RALGAPA2: variants seen among roughly 807,000 people sequenced by gnomAD.
The protein encoded by RALGAPA2 is Ral GTPase activating protein catalytic subunit alpha 2.
A neutral mutation model predicts 230.4 loss-of-function variants in RALGAPA2; 139 were observed. That is an observed-to-expected ratio of 0.60 (90% CI 0.53 to 0.69). The LOEUF is 0.69. RALGAPA2 is among the 30% of genes least tolerant of loss of function. The probability of loss-of-function intolerance (pLI) is 0.00; values close to 1 mark genes in which losing one functional copy is unlikely to be tolerated. For synonymous variants in RALGAPA2, 847 were observed against 837.8 expected (o/e 1.01, Z -0.19); for missense variants, 2,163 against 2,276.0 (o/e 0.95, Z 1.01).
chr20:20,443,154 C>G (rs1474797165), intron 37 of RALGAPA2, among the ~76,000 whole-genome samples: 1 of 152,202 alleles, frequency 6.6e-6, no homozygotes, highest in South Asian at 2.1e-4. Flanking sequence ...AGTTTTTATA[C>G]TTTTAACCCT....
intron 16 of RALGAPA2, among the ~76,000 whole-genome samples, chr20:20,595,192 C>G (rs2065415653): frequency 6.6e-6 from 1 of 152,232 alleles, no homozygotes; most frequent in African/African-American, 2.4e-5. Context: ...CAATTTCACT[C>G]ACTTTTTAAG....
chr20:20,498,508 C>T (rs1029458342), intron 35 of RALGAPA2, among the ~76,000 whole-genome samples: 1 of 152,158 alleles, frequency 6.6e-6, no homozygotes, highest in African/African-American at 2.4e-5. Flanking sequence ...CCTCCTTTCT[C>T]GACTAATTGC....
At chr20:20,533,869 A>G (rs1256804645) in intron 26 of RALGAPA2, among the ~76,000 whole-genome samples, 1 of 152,228 alleles carries the variant, frequency 6.6e-6, no homozygotes, top group Admixed American at 6.5e-5. Flanking sequence ...ATAAAAATAT[A>G]GTCTTAAATG....
chr20:20,710,195 T>C (rs1347888519), intron 1 of RALGAPA2, among the ~76,000 whole-genome samples: 1 of 152,172 alleles, frequency 6.6e-6, no homozygotes, highest in East Asian at 1.9e-4. Context: ...AGATAAAATA[T>C]ATGAAAAGCA....
intron 3 of RALGAPA2, among the ~76,000 whole-genome samples, chr20:20,669,127 C>T (rs769912036): frequency 8.5e-5 from 13 of 152,198 alleles, no homozygotes; most frequent in Non-Finnish European, 1.9e-4. Flanking sequence ...AATGCCAGAA[C>T]ATGTTTACGT....
At chr20:20,688,786 T>G (rs1346248094) in intron 1 of RALGAPA2, among the ~76,000 whole-genome samples, 1 of 152,202 alleles carries the variant, frequency 6.6e-6, no homozygotes, top group Non-Finnish European at 1.5e-5. Flanking sequence ...AATTAATCCT[T>G]TCAAGCATTC....
chr20:20,674,188 AAATAATAATAAT>A (rs72521913), intron 3 of RALGAPA2, among the ~76,000 whole-genome samples: 2 of 146,282 alleles, frequency 1.4e-5, no homozygotes, highest in Admixed American at 6.9e-5. Context: ...ACCCTGACTC[AAATAATAATAAT>A]AATAATAATA....
chr20:20,463,790 A>C (rs2061354990), intron 37 of RALGAPA2, among the ~76,000 whole-genome samples: 3 of 152,238 alleles, frequency 2.0e-5, no homozygotes, highest in African/African-American at 7.2e-5. Context: ...TTGAATACTC[A>C]GACATTAATA....
chr20:20,452,664 G>T (rs2061014444), intron 37 of RALGAPA2, among the ~76,000 whole-genome samples: 1 of 152,244 alleles, frequency 6.6e-6, no homozygotes, highest in Non-Finnish European at 1.5e-5. Flanking sequence ...GGCCTTCAGA[G>T]GGGTAAGTGC....
intron 37 of RALGAPA2, among the ~76,000 whole-genome samples, chr20:20,461,948 G>A (rs979748692): frequency 1.3e-5 from 2 of 151,060 alleles, no homozygotes; most frequent in Non-Finnish European, 2.9e-5. Context: ...GGTTTCAGGA[G>A]GCAGCCCCTT....
At chr20:20,522,094 T>TAAATGTAGG (rs144452704) in intron 30 of RALGAPA2, among the ~76,000 whole-genome samples, 2,457 of 152,296 alleles carry the variant, frequency 0.016, 91 homozygotes, top group East Asian at 0.14. Context: ...CAAAATGCAA[T>TAAATGTAGG]AAATGTAGGA....
chr20:20,567,864 AT>A (rs2064489444), intron 23 of RALGAPA2, among the ~76,000 whole-genome samples: 4 of 35,784 alleles, frequency 1.1e-4, no homozygotes, highest in Admixed American at 1.9e-4. Context: ...CAATAATAAA[AT>A]AAAATAAAAT....
rs2059613479 is a variant in RALGAPA2, at chr20:20,392,110, G to T, written c.*1179C>A. On this transcript the variant is annotated 3_prime_UTR_variant, in exon 40 of 40. Transcript: ENST00000202677. Reference sequence around the variant, plus strand: ...ATTTCTCTGCTGCAGGACGGGCAAGGCCCACCCAGGGCGCCCCAGCAGGAG... The same window carrying T: ...ATTTCTCTGCTGCAGGACGGGCAAGTCCCACCCAGGGCGCCCCAGCAGGAG... 6.6e-6 allele frequency: 1 copy of T among 152,316 alleles called. No homozygotes were observed. Among genetic ancestry groups the T allele is most frequent in the African/African-American group, 2.4e-5 (1 of 41,570 alleles). The allele number at this position is 152,316 out of a possible 1,614,324, so 9.4% of individuals were successfully genotyped here. A position where few individuals can be genotyped will look rare whatever the true frequency, so the allele number is the denominator to read the frequency against.
chr20:20,616,071 T>C lies in RALGAPA2; in HGVS notation c.1660A>G (p.Met554Val), dbSNP rs777601600. Residue 554 changes from methionine to valine, a missense_variant, in exon 13 of 40, where the codon ATG (methionine) becomes GTG (valine). By Grantham distance (21) the Met-to-Val change is conservative (BLOSUM62 1). Coordinates refer to ENST00000202677, the MANE Select transcript of RALGAPA2 (RefSeq NM_020343.4). ...GTCTTTTTATTCATTGTAAGCTCCA[T>C]TATCATGCGCCTAAAAATAATCAAA... Reference protein sequence around the residue: ...AVLIIFRRMIMELTMNKKTWE... With the variant: ...AVLIIFRRMIVELTMNKKTWE... The C allele has an allele frequency of 1.3e-6, 2 of 1,544,654 alleles. No individual in the cohort carries two copies. Among genetic ancestry groups the C allele is most frequent in the Admixed American group, 2.1e-5 (1 of 47,970 alleles).
At chr20:20,409,845 C>T (rs901374499) in intron 38 of RALGAPA2, among the ~76,000 whole-genome samples, 1 of 152,190 alleles carries the variant, frequency 6.6e-6, no homozygotes, top group African/African-American at 2.4e-5. Context: ...TTCATTCCTA[C>T]TCAGCGTTAT....
intron 31 of RALGAPA2, among the ~76,000 whole-genome samples, chr20:20,518,656 G>A (rs2062947126): frequency 6.6e-6 from 1 of 152,124 alleles, no homozygotes; most frequent in Non-Finnish European, 1.5e-5. Context: ...TTCCCAAAGA[G>A]TATTGTACAC....
chr20:20,509,998 CAAATA>C (rs1215912679), intron 33 of RALGAPA2, among the ~76,000 whole-genome samples: 1 of 152,072 alleles, frequency 6.6e-6, no homozygotes, highest in Non-Finnish European at 1.5e-5. Flanking sequence ...AGGTGATATG[CAAATA>C]ATAGTGACAT....
At chr20:20,497,767 A>G (rs2062251870) in intron 35 of RALGAPA2, among the ~76,000 whole-genome samples, 1 of 152,208 alleles carries the variant, frequency 6.6e-6, no homozygotes, top group African/African-American at 2.4e-5. Flanking sequence ...TTTCACACTA[A>G]CAGACCCATT....
In RALGAPA2 at chr20:20,389,592, CTA is replaced by C. The variant is rs1424824352; in HGVS notation, c.*3695_*3696del. 1.3e-5 allele frequency: 2 copies of C among 152,196 alleles called. No individual in the cohort carries two copies. Among genetic ancestry groups the C allele is most frequent in the African/African-American group, 4.8e-5 (2 of 41,432 alleles). The allele number at this position is 152,196 out of a possible 1,614,324, so 9.4% of individuals were successfully genotyped here. A position where few individuals can be genotyped will look rare whatever the true frequency, so the allele number is the denominator to read the frequency against. On this transcript the variant is annotated 3_prime_UTR_variant, in exon 40 of 40. Transcript: ENST00000202677. ...AGGGTGAACTTTATTTTCTTATAAA[CTA>C]TAATGAGAATGAGAGAAACATATAG... is the stretch of plus-strand genomic sequence containing the variant.
Sources: allele counts gnomAD v4.1 joint callset (sites outside exome capture counted in the v4.1 genomes callset), GRCh38; gene constraint gnomAD v4.1.1; transcripts MANE v1.5; gene names NCBI Gene and HGNC (gene_info 2026-07-23, HGNC 2026-07-21).